The following CADM2 variants were observed in gnomAD, a reference collection of about 807,000 sequenced individuals.
CADM2 encodes immunoglobulin superfamily member 4D.
Under a neutral mutation model 49.8 loss-of-function variants are expected in CADM2, and 12 were observed. That is an observed-to-expected ratio of 0.24 (90% CI 0.15 to 0.39). CADM2 has a LOEUF of 0.39. Ranked by LOEUF, CADM2 falls within the 10% of genes least tolerant of loss-of-function variation. The pLI is 1.00. For missense variants in CADM2, 378 were observed against 492.3 expected, an observed-to-expected ratio of 0.77 and a Z score of 2.20; for synonymous variants, 214 against 175.4, an observed-to-expected ratio of 1.22 and a Z score of -1.74.
At chr3:86,005,980 C>T (rs1366101931) in intron 8 of CADM2, among the ~76,000 whole-genome samples, 2 of 152,142 alleles carry the variant, frequency 1.3e-5, no homozygotes, top group African/African-American at 4.8e-5. Flanking sequence ...GTTTATCTTT[C>T]GTGCCTGGCT....
chr3:85,439,107 A>C (rs770817685), intron 1 of CADM2, among the ~76,000 whole-genome samples: 2 of 151,990 alleles, frequency 1.3e-5, no homozygotes, highest in Non-Finnish European at 2.9e-5. Context: ...ATGTATTTTG[A>C]AAGGATAAAA....
intron 2 of CADM2, among the ~76,000 whole-genome samples, chr3:85,766,662 A>G (rs1360716684): frequency 6.6e-6 from 1 of 152,174 alleles, no homozygotes; most frequent in Non-Finnish European, 1.5e-5. Flanking sequence ...ACGTCAGTTT[A>G]GTTATGTTGG....
intron 1 of CADM2, among the ~76,000 whole-genome samples, chr3:84,962,273 T>TAAA (rs77816542): frequency 2.9e-5 from 4 of 140,330 alleles, no homozygotes; most frequent in Non-Finnish European, 6.2e-5. Context: ...TACGAGGATT[T>TAAA]AAAAAAAAAA....
chr3:85,207,872 C>A (rs1472584274), intron 1 of CADM2, among the ~76,000 whole-genome samples: 4 of 152,054 alleles, frequency 2.6e-5, no homozygotes, highest in Non-Finnish European at 5.9e-5. Flanking sequence ...TTAATCAGGG[C>A]ATAAGAAAGC....
At chr3:85,973,726 G>A (rs768116823) in intron 8 of CADM2, among the ~76,000 whole-genome samples, 1 of 151,740 alleles carries the variant, frequency 6.6e-6, no homozygotes, top group Non-Finnish European at 1.5e-5. Context: ...TCTACTGAGG[G>A]ACAGAAATGG....
intron 8 of CADM2, among the ~76,000 whole-genome samples, chr3:86,003,276 C>G (rs1189759478): frequency 6.6e-6 from 1 of 152,130 alleles, no homozygotes; most frequent in East Asian, 1.9e-4. Flanking sequence ...TGGCCCATTC[C>G]CCATTTTCCC....
At chr3:85,213,297 T>A (rs1424112206) in intron 1 of CADM2, among the ~76,000 whole-genome samples, 2 of 152,184 alleles carry the variant, frequency 1.3e-5, no homozygotes, top group East Asian at 3.9e-4. Context: ...GTAAGCTGTT[T>A]ATCTCTCTTT....
chr3:85,341,351 T>C (rs561439591), intron 1 of CADM2, among the ~76,000 whole-genome samples: 2 of 151,850 alleles, frequency 1.3e-5, no homozygotes, highest in Non-Finnish European at 3.0e-5. Context: ...TTCATGAAAA[T>C]AGAATAATGT....
At chr3:85,072,564 T>C (rs2036794233) in intron 1 of CADM2, among the ~76,000 whole-genome samples, 1 of 152,078 alleles carries the variant, frequency 6.6e-6, no homozygotes, top group Non-Finnish European at 1.5e-5. Flanking sequence ...ATTTCATAGA[T>C]TATAGTTTCT....
chr3:85,571,460 G>A (rs2062473188), intron 1 of CADM2, among the ~76,000 whole-genome samples: 1 of 151,694 alleles, frequency 6.6e-6, no homozygotes, highest in Admixed American at 6.6e-5. Context: ...GAAAATGTCA[G>A]CTGTGTGTCT....
At chr3:85,481,581 A>G (rs2039212015) in intron 1 of CADM2, among the ~76,000 whole-genome samples, 1 of 151,618 alleles carries the variant, frequency 6.6e-6, no homozygotes, top group African/African-American at 2.4e-5. Flanking sequence ...AGCTTTTGTG[A>G]TTCCCAGCCA....
intron 1 of CADM2, among the ~76,000 whole-genome samples, chr3:85,568,114 T>A (rs1414282978): frequency 1.2e-4 from 19 of 152,206 alleles, no homozygotes; most frequent in Admixed American, 1.2e-3. Flanking sequence ...TTACCAGCTA[T>A]CTATGTATCC....
intron 1 of CADM2, among the ~76,000 whole-genome samples, chr3:85,518,612 C>T (rs1167667604): frequency 1.3e-5 from 2 of 152,170 alleles, no homozygotes; most frequent in Non-Finnish European, 2.9e-5. Flanking sequence ...GCCACGCTTC[C>T]TCTGGAGTTT....
chr3:85,678,594 C>T (rs1577069972), intron 1 of CADM2, among the ~76,000 whole-genome samples: 2 of 152,256 alleles, frequency 1.3e-5, no homozygotes, highest in Middle Eastern at 3.4e-3. Flanking sequence ...GCCAATAGTT[C>T]ATTTCTGTTA....
At chr3:85,843,895 T>G (rs924591845) in intron 3 of CADM2, among the ~76,000 whole-genome samples, 1 of 151,102 alleles carries the variant, frequency 6.6e-6, no homozygotes, top group African/African-American at 2.5e-5. Flanking sequence ...TGTATGTGTG[T>G]GTGGGGGGGG....
At chr3:85,353,590 A>G (rs1416369485) in intron 1 of CADM2, among the ~76,000 whole-genome samples, 3 of 149,640 alleles carry the variant, frequency 2.0e-5, no homozygotes, top group Non-Finnish European at 4.4e-5. Flanking sequence ...AAAGTGAATC[A>G]TTATTAAGGA....
In CADM2 at chr3:84,959,376, G is replaced by GGA; in HGVS notation, c.-230_-229dup. Reference sequence around the variant, plus strand: ...GGCTGTCGCGGCTGCACCACCAGCAGGAGGAGGAGGAGAAGAAACTATTTC... The same window carrying GGA: ...GGCTGTCGCGGCTGCACCACCAGCAGGAGAGGAGGAGGAGAAGAAACTATTTC... On this transcript the variant is annotated 5_prime_UTR_variant, in exon 1 of 10. Coordinates refer to ENST00000383699, the MANE Select transcript of CADM2 (RefSeq NM_001167675.2). 1 of 541,556 alleles carries GGA rather than the reference G, an allele frequency of 1.8e-6. No homozygotes were observed. 33.5% of individuals were successfully genotyped at this position (541,556 alleles called of 1,614,324 possible).
intron 1 of CADM2, among the ~76,000 whole-genome samples, chr3:85,647,041 T>A (rs1001006660): frequency 9.2e-5 from 14 of 151,982 alleles, no homozygotes; most frequent in Non-Finnish European, 7.4e-5. Flanking sequence ...GGATTTGTAA[T>A]CTTAGGCATT....
chr3:85,970,486 A>G (rs1036208474), intron 8 of CADM2, among the ~76,000 whole-genome samples: 1 of 151,542 alleles, frequency 6.6e-6, no homozygotes, highest in Non-Finnish European at 1.5e-5. Context: ...ATTAATATGC[A>G]TGTGCAAAAA....
Sources: gnomAD v4.1 joint callset for allele counts (sites outside exome capture counted in the v4.1 genomes callset) on GRCh38, gnomAD v4.1.1 for gene constraint, MANE v1.5 for transcripts, NCBI Gene and HGNC (gene_info 2026-07-23, HGNC 2026-07-21) for gene names.